LYPD8: variants seen among roughly 807,000 people sequenced by gnomAD.
The protein encoded by LYPD8 is LY6/PLAUR domain containing 8.
Under a neutral mutation model 1.7 loss-of-function variants are expected in LYPD8, and 8 were observed. The ratio of observed to expected loss-of-function variants is 4.58; its 90% CI spans 2.69 to 8.27. The LOEUF is 8.27. Ranked by LOEUF, LYPD8 falls within the 30% of genes most tolerant of loss-of-function variation. The probability of loss-of-function intolerance (pLI) is 0.00; values close to 1 mark genes in which losing one functional copy is unlikely to be tolerated. For missense variants in LYPD8, 112 were observed against 102.3 expected, an observed-to-expected ratio of 1.09 and a Z score of -0.41; for synonymous variants, 50 against 43.6, an observed-to-expected ratio of 1.15 and a Z score of -0.58.
At chr1:248,752,695 AACAC>A (rs1187862896) in intron 2 of LYPD8, among the ~76,000 whole-genome samples, 57 of 116,548 alleles carry the variant, frequency 4.9e-4, no homozygotes, top group African/African-American at 1.6e-3. Flanking sequence ...CACACCCCAC[AACAC>A]ACACACACCA....
At position 248,745,208 on chromosome 1, in the gene LYPD8, G is replaced by A. The variant is rs1028703522; in HGVS notation, c.409C>T (p.His137Tyr). 2.8e-5 allele frequency: 11 copies of A among 398,396 alleles called. No homozygotes were observed. The highest frequency in any genetic ancestry group is 6.2e-4 in the Middle Eastern group (1 of 1,610). The allele number at this position is 398,396 out of a possible 1,614,324, so 24.7% of individuals were successfully genotyped here. ...TCATAGCATTTCCAGGGCTTCCCAT[G>A]ACAGGAAGTTCCATTAGATTCATAA... The part of the protein sequence containing the change: ...ACYESNGTSC[H>Y]GKPWKCYEEE... The change falls in exon 6 of 7, where the codon CAT becomes TAT. Residue 137 changes from histidine to tyrosine, a missense_variant. Physicochemically the swap from His to Tyr is moderately conservative, Grantham distance 83. Coordinates refer to ENST00000590317, the MANE Select transcript of LYPD8 (RefSeq NM_001085474.2).
chr1:248,743,068 TA>T (rs1262688938), intron 6 of LYPD8, among the ~76,000 whole-genome samples: 1 of 151,642 alleles, frequency 6.6e-6, no homozygotes, highest in Admixed American at 6.6e-5. Flanking sequence ...CGGGGGAGGT[TA>T]TGCGTGTCAG....
rs1203684930 is a variant in LYPD8 at position 248,752,970 on chromosome 1, AAC to A, written c.-49-1842_-49-1841del. On this transcript the variant is annotated intron_variant, in intron 2 of 6. Transcript: ENST00000590317. ...CACACACACACCAAACACCCCACAC[AAC>A]ACACACACAACACAACACACACACA... 9.0e-5 allele frequency among the ~76,000 whole-genome samples: 8 copies of A among 88,776 alleles called. 1 individual carries two copies. The highest frequency in any genetic ancestry group is 1.2e-4 in the Admixed American group (1 of 8,148). The allele number at this position is 88,776 out of a possible 152,430, so 58.2% of individuals were successfully genotyped here. A position where few individuals can be genotyped will look rare whatever the true frequency, so the allele number is the denominator to read the frequency against.
At chr1:248,751,748 A>G (rs1662805698) in intron 2 of LYPD8, among the ~76,000 whole-genome samples, 1 of 152,164 alleles carries the variant, frequency 6.6e-6, no homozygotes, top group Non-Finnish European at 1.5e-5. Context: ...AGGTATCAGA[A>G]CTGGAGTTTC....
intron 2 of LYPD8, among the ~76,000 whole-genome samples, chr1:248,752,871 C>A (rs1317160333): frequency 0.019 from 1,782 of 93,890 alleles, 185 homozygotes; most frequent in East Asian, 0.049. Context: ...ACACACACCA[C>A]ACACCCCACA....
rs1480913370 is a variant in LYPD8 at position 248,739,555 on chromosome 1, C to T, written c.*56G>A. 7 of 1,548,394 alleles carry T rather than the reference C, an allele frequency of 4.5e-6. No homozygotes were observed. The African/African-American group carries it at 9.6e-5, about 21-fold the overall frequency. ...GAGGGTGTCAGCACCGCAGGGGGTG[C>T]TCTGGACCTCAGAGAAGCAGAAATG... On this transcript the variant is annotated 3_prime_UTR_variant, in exon 7 of 7. Coordinates refer to ENST00000590317, the MANE Select transcript of LYPD8 (RefSeq NM_001085474.2). The surrounding 1 kb of genome is among the most constrained non-coding windows in gnomAD (Gnocchi z 4.3).
In LYPD8 at chr1:248,751,060, C is replaced by G. The variant is rs987038790; in HGVS notation, c.22G>C (p.Gly8Arg). 4.5e-5 allele frequency: 18 copies of G among 398,498 alleles called. No individual in the cohort carries two copies. Among genetic ancestry groups the G allele is most frequent in the African/African-American group, 3.3e-4 (16 of 48,622 alleles). 24.7% of individuals were successfully genotyped at this position (398,498 alleles called of 1,614,324 possible). ...GCTGCAACAAGCACTGCAGTGATACCAGCAACGAGGATGCCCTTCATGGTG... is the reference window on the plus strand; with the variant it reads ...GCTGCAACAAGCACTGCAGTGATACGAGCAACGAGGATGCCCTTCATGGTG... MKGILVA[G>R]ITAVLVAAVE... Residue 8 changes from glycine (G) to arginine (R), a missense_variant, in exon 3 of 7, where the codon GGT becomes CGT. Gly to Arg is a moderately radical substitution (Grantham distance 125). Coordinates refer to ENST00000590317, the MANE Select transcript of LYPD8 (RefSeq NM_001085474.2).
rs184961078 is a variant in LYPD8 at position 248,741,610 on chromosome 1, A to G, written c.476-1761T>C. 2.6e-5 allele frequency among the ~76,000 whole-genome samples: 4 copies of G among 152,344 alleles called. No homozygotes were observed. In the East Asian group the frequency reaches 7.7e-4, roughly 29 times the overall value. On this transcript the variant is annotated intron_variant, in intron 6 of 6. Transcript: ENST00000590317. ...CAAAAAGAAACAAAAATACCCCTAC[A>G]TTTATGATAGCTTTGATCTGTCTGG...
intron 6 of LYPD8, among the ~76,000 whole-genome samples, chr1:248,744,581 TGTGG>T (rs1553283978): frequency 7.6e-5 from 11 of 144,144 alleles, no homozygotes; most frequent in African/African-American, 2.9e-4. Flanking sequence ...TAGCGTCAAA[TGTGG>T]ATCTCACAAT....
At chr1:248,753,044 A>ACCG (rs1662845652) in intron 2 of LYPD8, among the ~76,000 whole-genome samples, 3 of 95,662 alleles carry the variant, frequency 3.1e-5, no homozygotes, top group African/African-American at 5.1e-5. Context: ...CACCACACAC[A>ACCG]CATCACACAC....
At chr1:248,741,658 A>G (rs547271328) in intron 6 of LYPD8, among the ~76,000 whole-genome samples, 12 of 152,358 alleles carry the variant, frequency 7.9e-5, no homozygotes, top group Non-Finnish European at 1.3e-4. Context: ...GTCAAGTCCT[A>G]TGAGAAAGAG....
In LYPD8 at chr1:248,739,873, G is replaced by C; in HGVS notation, c.476-24C>G. ...GTCTGTGAATGCAAAGGAGACAGGA[G>C]GGACGCCACTCAGTCCTTTGTCCTT... On this transcript the variant is annotated intron_variant, in intron 6 of 6. Coordinates refer to ENST00000590317, the MANE Select transcript of LYPD8 (RefSeq NM_001085474.2). This position sits in a 1 kb window ranked among gnomAD's most constrained non-coding sequence, Gnocchi z 4.3. The C allele has an allele frequency of 1.9e-6, 3 of 1,551,302 alleles. No individual in the cohort carries two copies. Among genetic ancestry groups the C allele is most frequent in the Non-Finnish European group, 2.6e-6 (3 of 1,146,886 alleles).
At chr1:248,752,165 A>C (rs1662810729) in intron 2 of LYPD8, among the ~76,000 whole-genome samples, 1 of 152,064 alleles carries the variant, frequency 6.6e-6, no homozygotes, top group African/African-American at 2.4e-5. Flanking sequence ...AGCACTGGCT[A>C]CATTCCCAAT....
chr1:248,753,500 CAACACAACACA>C, intron 2 of LYPD8, among the ~76,000 whole-genome samples: 1 of 120,300 alleles, frequency 8.3e-6, no homozygotes, highest in East Asian at 3.3e-4. Flanking sequence ...ACACAACACA[CAACACAACACA>C]CACATCACAC....
In LYPD8 at chr1:248,739,773, T is replaced by C; in HGVS notation, c.552A>G (p.Glu184=). 1 of 1,551,730 alleles carries C rather than the reference T, an allele frequency of 6.4e-7. No homozygotes were observed. Among genetic ancestry groups the C allele is most frequent in the Non-Finnish European group, 8.7e-7 (1 of 1,146,998 alleles). The change falls in exon 7 of 7, where the codon GAA becomes GAG. Residue 184 remains glutamate (E), a synonymous_variant. Transcript: ENST00000590317. This position sits in a 1 kb window ranked among gnomAD's most constrained non-coding sequence, Gnocchi z 4.3. ...SNATCQFLSG[E]NKTLGGVIFR... Reference sequence around the variant, plus strand: ...AGATGACTCCTCCAAGAGTCTTGTTTTCACCAGACAGGAACTGACAGGTGG... The same window carrying C: ...AGATGACTCCTCCAAGAGTCTTGTTCTCACCAGACAGGAACTGACAGGTGG...
intron 2 of LYPD8, among the ~76,000 whole-genome samples, chr1:248,754,160 C>T (rs1558209276): frequency 6.7e-6 from 1 of 150,310 alleles, no homozygotes; most frequent in African/African-American, 2.5e-5. Flanking sequence ...CCACACATCA[C>T]ATGTCACACA....
chr1:248,752,857 CCA>C (rs1290665868), intron 2 of LYPD8, among the ~76,000 whole-genome samples: 12 of 100,046 alleles, frequency 1.2e-4, no homozygotes, highest in Admixed American at 2.8e-4. Context: ...ACACACCACA[CCA>C]CACACACACC....
intron 6 of LYPD8, among the ~76,000 whole-genome samples, chr1:248,744,492 T>G (rs1360115560): frequency 2.6e-5 from 4 of 151,558 alleles, no homozygotes; most frequent in African/African-American, 9.8e-5. Context: ...ATGGTTAGTA[T>G]CAAATGTGGA....
At chr1:248,741,747 G>A (rs369999314) in intron 6 of LYPD8, among the ~76,000 whole-genome samples, 16 of 152,276 alleles carry the variant, frequency 1.1e-4, no homozygotes, top group African/African-American at 3.1e-4. Context: ...TGTTGCCCTA[G>A]GACACAGTTT....
Sources: allele counts gnomAD v4.1 joint callset (sites outside exome capture counted in the v4.1 genomes callset), GRCh38; gene constraint gnomAD v4.1.1; non-coding constraint Gnocchi (gnomAD v3.1); transcripts MANE v1.5; gene names NCBI Gene and HGNC (gene_info 2026-07-23, HGNC 2026-07-21).